The following PHACTR2 variants were observed in gnomAD, a reference collection of about 807,000 sequenced individuals.
PHACTR2 encodes the protein phosphatase and actin regulator 2.
Under a neutral mutation model 76.0 loss-of-function variants are expected in PHACTR2, and 30 were observed. That is an observed-to-expected ratio of 0.39 (90% confidence interval 0.30 to 0.54). The LOEUF is 0.54. Ranked by LOEUF, PHACTR2 falls within the 20% of genes least tolerant of loss-of-function variation. The pLI, the probability that PHACTR2 is intolerant of heterozygous loss-of-function variation, is 0.61. For missense variants in PHACTR2, 696 were observed against 781.1 expected (o/e 0.89, Z 1.30); for synonymous variants, 292 against 292.5 (o/e 1.00, Z 0.02).
Position 143,787,651 on chromosome 6 carries a change from G to T in PHACTR2, c.1708-1122G>T, listed in dbSNP as rs2128479364. ...TCTCTGGACAGGTGTTGTGGCTTAT[G>T]CCTGTAACCCCAGCACTTTGGGAGG... On this transcript the variant is annotated intron_variant, in intron 10 of 12. Transcript: ENST00000440869. The surrounding 1 kb of genome is among the most constrained non-coding windows in gnomAD (Gnocchi z 4.6). 6.6e-6 allele frequency among the ~76,000 whole-genome samples: 1 copy of T among 152,296 alleles called. No homozygotes were observed. The highest frequency in any genetic ancestry group is 1.9e-4 in the East Asian group (1 of 5,190).
At chr6:143,719,345 ACTT>A (rs1248174617) in intron 2 of PHACTR2, among the ~76,000 whole-genome samples, 15 of 132,410 alleles carry the variant, frequency 1.1e-4, no homozygotes, top group Admixed American at 6.3e-4. Context: ...TGTGTTCGAC[ACTT>A]CTTTTTTTTT....
intron 2 of PHACTR2, among the ~76,000 whole-genome samples, chr6:143,741,574 A>G (rs1283999444): frequency 2.0e-5 from 3 of 152,144 alleles, no homozygotes; most frequent in Admixed American, 6.5e-5. Flanking sequence ...TAAATAGGAA[A>G]ATGTTCTCCA....
At position 143,762,000 on chromosome 6, in the gene PHACTR2, T is replaced by C. The variant is rs1444012734; in HGVS notation, c.694+1360T>C. Among the ~76,000 whole-genome samples, 1 of 152,100 alleles carries C rather than the reference T, an allele frequency of 6.6e-6. No homozygotes were observed. The highest frequency in any genetic ancestry group is 1.5e-5 in the Non-Finnish European group (1 of 68,020). On this transcript the variant is annotated intron_variant, in intron 5 of 12. Coordinates refer to ENST00000440869, the MANE Select transcript of PHACTR2 (RefSeq NM_001100164.2). The surrounding 1 kb of genome is among the most constrained non-coding windows in gnomAD (Gnocchi z 5.2). Reference sequence around the variant, plus strand: ...TCTTCTAATAAGCTCTAAACTGAAATTTCCCAGAATGATGTGCCAACAGTG... The same window carrying C: ...TCTTCTAATAAGCTCTAAACTGAAACTTCCCAGAATGATGTGCCAACAGTG...
Position 143,541,086 on chromosome 6 carries a change from C to T in PHACTR2, c.217+3879C>T, listed in dbSNP as rs1781167714. Among the ~76,000 whole-genome samples, 1 of 152,216 alleles carries T rather than the reference C, an allele frequency of 6.6e-6. No homozygotes were observed. Among genetic ancestry groups the T allele is most frequent in the African/African-American group, 2.4e-5 (1 of 41,456 alleles). On this transcript the variant is annotated intron_variant, in intron 1 of 11. Transcript: ENST00000367584. The surrounding 1 kb of genome is among the most constrained non-coding windows in gnomAD (Gnocchi z 5.3). ...TGTTATAGGCGCATGCCACTGCTCC[C>T]AGCCTTGGATTTTTAAAATCCAGTA...
intron 1 of PHACTR2, among the ~76,000 whole-genome samples, chr6:143,630,478 A>T (rs1251936968): frequency 2.0e-5 from 3 of 152,154 alleles, no homozygotes; most frequent in African/African-American, 7.2e-5. Context: ...GCTCAAAAAC[A>T]AATTAAAAGT....
rs1776221961 is a variant in PHACTR2 at position 143,624,591 on chromosome 6, A to T, written c.13+16269A>T. On this transcript the variant is annotated intron_variant, in intron 1 of 11. Transcript: ENST00000305766. This position sits in a 1 kb window ranked among gnomAD's most constrained non-coding sequence, Gnocchi z 4.6. Reference sequence around the variant, plus strand: ...ACTCTTTTTTAATGTTGTGGGAAGCAGTTTATTTTCATGGTATGCGGCTTT... The same window carrying T: ...ACTCTTTTTTAATGTTGTGGGAAGCTGTTTATTTTCATGGTATGCGGCTTT... 6.6e-6 allele frequency among the ~76,000 whole-genome samples: 1 copy of T among 152,144 alleles called. No homozygotes were observed. Among genetic ancestry groups the T allele is most frequent in the African/African-American group, 2.4e-5 (1 of 41,432 alleles).
At position 143,546,964 on chromosome 6, in the gene PHACTR2, C is replaced by G. The variant is rs9496660; in HGVS notation, c.217+9757C>G. Reference sequence around the variant, plus strand: ...AAGTGGAAAGATTGCTTGAATCCAGCAGTTCGATGCTGCAGTGAGCTGTGA... The same window carrying G: ...AAGTGGAAAGATTGCTTGAATCCAGGAGTTCGATGCTGCAGTGAGCTGTGA... On this transcript the variant is annotated intron_variant, in intron 1 of 11. Transcript: ENST00000367584. This position sits in a 1 kb window ranked among gnomAD's most constrained non-coding sequence, Gnocchi z 4.9. Among the ~76,000 whole-genome samples the G allele has an allele frequency of 0.022, 3,320 of 151,866 alleles. 130 individuals carry two copies. The highest frequency in any genetic ancestry group is 0.076 in the African/African-American group (3,152 of 41,390).
rs540558276 is a variant in PHACTR2 at position 143,695,263 on chromosome 6, C to G, written c.47-16753C>G. Among the ~76,000 whole-genome samples the G allele has an allele frequency of 2.0e-5, 3 of 152,322 alleles. No individual in the cohort carries two copies. Among genetic ancestry groups the G allele is most frequent in the African/African-American group, 7.2e-5 (3 of 41,570 alleles). ...ATGGGGATCAGGGCATGCAGAAGCT[C>G]TTAGCCAAACCTCTACACCCTTTAG... On this transcript the variant is annotated intron_variant, in intron 1 of 12. Transcript: ENST00000440869. This position sits in a 1 kb window ranked among gnomAD's most constrained non-coding sequence, Gnocchi z 4.4.
intron 1 of PHACTR2, among the ~76,000 whole-genome samples, chr6:143,609,200 A>C (rs1453624658): frequency 6.6e-6 from 1 of 152,014 alleles, no homozygotes; most frequent in African/African-American, 2.4e-5. Context: ...CACATTCTAC[A>C]CTACAAGACC....
chr6:143,592,640 C>A lies in PHACTR2; in HGVS notation c.217+55433C>A, dbSNP rs532109667. ...CCTTCCCTCTGTCTGTCCATCTCAT[C>A]GATAAAGCCATGCGTATATGAAGCA... is the stretch of plus-strand genomic sequence containing the variant. On this transcript the variant is annotated intron_variant, in intron 1 of 11. Coordinates refer to the PHACTR2 transcript ENST00000367584. This position sits in a 1 kb window ranked among gnomAD's most constrained non-coding sequence, Gnocchi z 4.0. Among the ~76,000 whole-genome samples, 6 of 152,090 alleles carry A rather than the reference C, an allele frequency of 3.9e-5. No homozygotes were observed. The highest frequency in any genetic ancestry group is 1.4e-4 in the African/African-American group (6 of 41,494).
chr6:143,778,460 TGCTTTTTTCTG>T (rs1219811512), intron 9 of PHACTR2, among the ~76,000 whole-genome samples: 1 of 149,502 alleles, frequency 6.7e-6, no homozygotes, highest in Non-Finnish European at 1.5e-5. Flanking sequence ...TTCTTTGGAA[TGCTTTTTTCTG>T]GCTTTTTTTT....
At chr6:143,715,088 C>G (rs1471009376) in intron 2 of PHACTR2, among the ~76,000 whole-genome samples, 1 of 152,152 alleles carries the variant, frequency 6.6e-6, no homozygotes, top group East Asian at 1.9e-4. Context: ...TTCCTTTTCC[C>G]ACTGCAATCT....
chr6:143,815,894 G>GAA (rs11310299), intron 12 of PHACTR2, among the ~76,000 whole-genome samples: 1 of 129,332 alleles, frequency 7.7e-6, no homozygotes, highest in African/African-American at 2.9e-5. Flanking sequence ...TCTGTCTCAA[G>GAA]AAAAAAAAAA....
At chr6:143,676,911 G>A (rs186198115), upstream of PHACTR2, among the ~76,000 whole-genome samples, 457 of 151,488 alleles carry the variant, frequency 3.0e-3, 3 homozygotes, top group Middle Eastern at 0.044. The surrounding 1 kb of genome is among the most constrained non-coding windows in gnomAD (Gnocchi z 4.8). Context: ...ACAAGTAAGT[G>A]CCTTTCAAAA....
In PHACTR2 at chr6:143,828,871, T is replaced by TC. The variant is rs1776600170; in HGVS notation, c.*5187dup. ...TGTAAACACCAAGAATAAAAAGCAT[T>TC]CCCCCAGGTTCAAATGCCCTCCCTG... On this transcript the variant is annotated 3_prime_UTR_variant, in exon 13 of 13. Coordinates refer to ENST00000440869, the MANE Select transcript of PHACTR2 (RefSeq NM_001100164.2). This position sits in a 1 kb window ranked among gnomAD's most constrained non-coding sequence, Gnocchi z 4.7. 6.6e-6 allele frequency: 1 copy of TC among 152,044 alleles called. No homozygotes were observed. Among genetic ancestry groups the TC allele is most frequent in the African/African-American group, 2.4e-5 (1 of 41,400 alleles). The allele number at this position is 152,044 out of a possible 1,614,324, so 9.4% of individuals were successfully genotyped here. A position where few individuals can be genotyped will look rare whatever the true frequency, so the allele number is the denominator to read the frequency against.
In PHACTR2 at chr6:143,664,916, G is replaced by A. The variant is rs1026846680; in HGVS notation, c.14-47100G>A. Among the ~76,000 whole-genome samples the A allele has an allele frequency of 2.0e-5, 3 of 151,724 alleles. No individual in the cohort carries two copies. Among genetic ancestry groups the A allele is most frequent in the Admixed American group, 1.3e-4 (2 of 15,196 alleles). On this transcript the variant is annotated intron_variant, in intron 1 of 11. Transcript: ENST00000305766. The surrounding 1 kb of genome is among the most constrained non-coding windows in gnomAD (Gnocchi z 5.1). ...CTGGTTCAAGTGATTCCCCTGACTC[G>A]GCCTCCCAAGTAGCTGGCATTACAG...
Position 143,598,649 on chromosome 6 carries a change from C to T in PHACTR2, c.217+61442C>T, listed in dbSNP as rs1775779169. Among the ~76,000 whole-genome samples the T allele has an allele frequency of 6.6e-6, 1 of 152,214 alleles. No individual in the cohort carries two copies. Among genetic ancestry groups the T allele is most frequent in the Non-Finnish European group, 1.5e-5 (1 of 68,040 alleles). ...TCTCTAAGAACAACCACATGGCTTC[C>T]CCTTCCTGGCCTATGTCCCTGTGGA... On this transcript the variant is annotated intron_variant, in intron 1 of 11. Transcript: ENST00000367584. The surrounding 1 kb of genome is among the most constrained non-coding windows in gnomAD (Gnocchi z 4.1).
chr6:143,736,849 C>T (rs969613386), intron 2 of PHACTR2, among the ~76,000 whole-genome samples: 1 of 151,838 alleles, frequency 6.6e-6, no homozygotes, highest in Non-Finnish European at 1.5e-5. Context: ...GCTGGGATTA[C>T]TGGCGTGAGC....
chr6:143,569,003 G>A lies in PHACTR2; in HGVS notation c.217+31796G>A, dbSNP rs894631917. Among the ~76,000 whole-genome samples the A allele has an allele frequency of 2.0e-4, 30 of 152,152 alleles. 1 individual carries two copies. Among genetic ancestry groups the A allele is most frequent in the Admixed American group, 1.8e-3 (27 of 15,268 alleles). On this transcript the variant is annotated intron_variant, in intron 1 of 11. Transcript: ENST00000367584. ...GTTCTGCTCTCTTGGTTGCTTTCTCGATTCCTATTCCCAGATATATTTCTC... is the reference window on the plus strand; with the variant it reads ...GTTCTGCTCTCTTGGTTGCTTTCTCAATTCCTATTCCCAGATATATTTCTC...
Sources: allele counts gnomAD v4.1 joint callset (sites outside exome capture counted in the v4.1 genomes callset), GRCh38; gene constraint gnomAD v4.1.1; non-coding constraint Gnocchi (gnomAD v3.1); transcripts MANE v1.5; gene names NCBI Gene and HGNC (gene_info 2026-07-23, HGNC 2026-07-21).